Variants in PDE1C observed in about 807,000 individuals in gnomAD.
PDE1C encodes the protein dual specificity calcium/calmodulin-dependent 3',5'-cyclic nucleotide phosphodiesterase 1C.
PDE1C carries 62 observed loss-of-function variants against 93.1 expected under a neutral mutation model. That is an observed-to-expected ratio of 0.67 (90% CI 0.54 to 0.82). The LOEUF (loss-of-function observed/expected upper bound fraction) is 0.82. PDE1C is among the 40% of genes least tolerant of loss of function. The pLI is 0.00. For missense variants in PDE1C, 742 were observed against 884.6 expected, an observed-to-expected ratio of 0.84 and a Z score of 2.04; for synonymous variants, 325 against 310.1, an observed-to-expected ratio of 1.05 and a Z score of -0.50.
chr7:32,015,157 C>T (rs1787714922), intron 2 of PDE1C, among the ~76,000 whole-genome samples: 1 of 152,126 alleles, frequency 6.6e-6, no homozygotes, highest in South Asian at 2.1e-4. Flanking sequence ...TTCCTGAAGC[C>T]TCTCCAGTCA....
intron 1 of PDE1C, among the ~76,000 whole-genome samples, chr7:32,393,420 C>T (rs560232431): frequency 5.0e-4 from 76 of 152,326 alleles, no homozygotes; most frequent in Non-Finnish European, 8.7e-4. Context: ...CAGATTTCTT[C>T]TTCTCCTTCT....
At chr7:31,712,341 G>A in the PDE1C span, among the ~76,000 whole-genome samples, 1,050 of 152,266 alleles carry the variant, frequency 6.9e-3, 7 homozygotes, top group Non-Finnish European at 0.011. Flanking sequence ...AACAGCCTAA[G>A]TTTGCCTTAC....
intron 1 of PDE1C, among the ~76,000 whole-genome samples, chr7:32,310,561 C>A (rs1398947462): frequency 2.0e-5 from 3 of 152,148 alleles, no homozygotes; most frequent in African/African-American, 7.2e-5. Context: ...TCTCTCAGAC[C>A]ACAGTGCAAT....
intron 2 of PDE1C, among the ~76,000 whole-genome samples, chr7:31,927,957 G>A (rs180816586): frequency 6.6e-6 from 1 of 152,244 alleles, no homozygotes; most frequent in East Asian, 1.9e-4. Context: ...ATTAACAGAA[G>A]TAGGCTTCAG....
rs181422680 is a variant in PDE1C, at chr7:31,959,958, C to T, written c.129-79098G>A. Among the ~76,000 whole-genome samples the T allele has an allele frequency of 8.0e-3, 1,216 of 151,996 alleles. 19 individuals are homozygous for T. Among genetic ancestry groups the T allele is most frequent in the African/African-American group, 0.028 (1,164 of 41,450 alleles). ...TTGGCTCACTGCAACCTCTGCCTCC[C>T]GGGTTCAAGCAATGCTCCTGCCTCA... is the stretch of plus-strand genomic sequence containing the variant. On this transcript the variant is annotated intron_variant, in intron 2 of 17. Coordinates refer to ENST00000396191, the MANE Select transcript of PDE1C (RefSeq NM_001191057.4).
At chr7:31,908,418 C>A (rs192527461) in intron 2 of PDE1C, among the ~76,000 whole-genome samples, 1 of 152,114 alleles carries the variant, frequency 6.6e-6, no homozygotes, top group Admixed American at 6.6e-5. Context: ...AGTAAGGGTG[C>A]GTGAGTACTC....
chr7:31,931,343 T>C (rs979274288), intron 2 of PDE1C, among the ~76,000 whole-genome samples: 4 of 152,148 alleles, frequency 2.6e-5, no homozygotes, highest in Non-Finnish European at 5.9e-5. Flanking sequence ...AAAACTGCAT[T>C]GTCTCAGCCC....
chr7:31,969,040 C>A (rs976304998), intron 2 of PDE1C, among the ~76,000 whole-genome samples: 4 of 152,092 alleles, frequency 2.6e-5, no homozygotes, highest in Non-Finnish European at 5.9e-5. Flanking sequence ...AGAAGAAAAC[C>A]TAGGCAATAC....
chr7:32,398,509 C>G (rs1784882279), intron 1 of PDE1C, among the ~76,000 whole-genome samples: 2 of 151,758 alleles, frequency 1.3e-5, no homozygotes, highest in Admixed American at 1.3e-4. Context: ...CTGCCTCAGC[C>G]TCCCAAGTAG....
intron 3 of PDE1C, among the ~76,000 whole-genome samples, chr7:32,130,600 G>A (rs974010404): frequency 1.3e-5 from 2 of 151,950 alleles, no homozygotes; most frequent in African/African-American, 4.8e-5. Flanking sequence ...AATCTCCACA[G>A]TCCTTCACTT....
At chr7:32,014,353 G>A (rs927459939) in intron 2 of PDE1C, among the ~76,000 whole-genome samples, 6 of 152,166 alleles carry the variant, frequency 3.9e-5, no homozygotes, top group Admixed American at 6.5e-5. Flanking sequence ...TATCACAGCA[G>A]TAGTTTCTGA....
chr7:31,754,995 G>A (rs992103848), intron 17 of PDE1C, among the ~76,000 whole-genome samples: 1 of 152,182 alleles, frequency 6.6e-6, no homozygotes, highest in Admixed American at 6.5e-5. Flanking sequence ...ACTGAAGAGT[G>A]GGGGACAAGA....
At chr7:31,669,998 T>C in the PDE1C span, among the ~76,000 whole-genome samples, 1 of 152,172 alleles carries the variant, frequency 6.6e-6, no homozygotes, top group Non-Finnish European at 1.5e-5. Context: ...TCCTCCAGCC[T>C]TCCTTCCATC....
chr7:31,955,384 T>A (rs1427503466), intron 2 of PDE1C, among the ~76,000 whole-genome samples: 2 of 152,142 alleles, frequency 1.3e-5, no homozygotes, highest in African/African-American at 2.4e-5. Context: ...GATAGGGAAA[T>A]AAGGTTAAGG....
chr7:32,037,300 C>T (rs1791236938), intron 2 of PDE1C, among the ~76,000 whole-genome samples: 1 of 152,054 alleles, frequency 6.6e-6, no homozygotes, highest in South Asian at 2.1e-4. Context: ...TGTTTTCTGT[C>T]TTTTGCTTGC....
intron 1 of PDE1C, among the ~76,000 whole-genome samples, chr7:32,052,803 A>G (rs964252007): frequency 2.0e-5 from 3 of 152,206 alleles, no homozygotes; most frequent in Admixed American, 2.0e-4. Flanking sequence ...GGTCTTGACT[A>G]GATATGTAGT....
intron 2 of PDE1C, among the ~76,000 whole-genome samples, chr7:32,202,304 T>C (rs1805067790): frequency 1.3e-5 from 2 of 152,098 alleles, no homozygotes; most frequent in Admixed American, 1.3e-4. Context: ...GAAGGCAGAG[T>C]GAGTCTCAGT....
At chr7:32,209,278 T>C (rs1265899155) in intron 2 of PDE1C, among the ~76,000 whole-genome samples, 2 of 152,174 alleles carry the variant, frequency 1.3e-5, no homozygotes, top group African/African-American at 4.8e-5. Context: ...AGAGCACAAT[T>C]TGGAAACCAC....
chr7:31,664,170 C>T, the PDE1C span, among the ~76,000 whole-genome samples: 1 of 152,124 alleles, frequency 6.6e-6, no homozygotes, highest in Admixed American at 6.5e-5. Flanking sequence ...TCATGCAGCC[C>T]AAGTTAGGCC....
Sources: allele counts gnomAD v4.1 joint callset (sites outside exome capture counted in the v4.1 genomes callset), GRCh38; gene constraint gnomAD v4.1.1; transcripts MANE v1.5; gene names NCBI Gene and HGNC (gene_info 2026-07-23, HGNC 2026-07-21).